Variants in ACSL6 observed in about 807,000 individuals in gnomAD.
ACSL6 encodes long-chain-fatty-acid--CoA ligase 6.
Under a neutral mutation model 98.2 loss-of-function variants are expected in ACSL6, and 47 were observed. The ratio of observed to expected loss-of-function variants is 0.48; its 90% CI spans 0.38 to 0.61. The LOEUF is 0.61. Ranked by LOEUF, ACSL6 falls within the 20% of genes least tolerant of loss-of-function variation. The pLI, the probability that ACSL6 is intolerant of heterozygous loss-of-function variation, is 0.00. For missense variants in ACSL6, 761 were observed against 913.4 expected (o/e 0.83, Z 2.15); for synonymous variants, 362 against 336.9 (o/e 1.07, Z -0.82).
intron 10 of ACSL6, 99 bp downstream of exon 10, chr5:131,976,549 A>G: frequency 8.6e-7 from 1 of 1,162,638 alleles, no homozygotes; most frequent in Non-Finnish European, 1.2e-6. Context: ...ATCAAGAAAA[A>G]AAAAAAAAGA....
intron 18 of ACSL6, among the ~76,000 whole-genome samples, 155 bp downstream of exon 18, chr5:131,962,380 C>G (rs1043284417): frequency 2.0e-5 from 3 of 152,140 alleles, no homozygotes; most frequent in African/African-American, 7.2e-5. Flanking sequence ...TACATTTTAA[C>G]AAACTATAAG....
intron 1 of ACSL6, among the ~76,000 whole-genome samples, chr5:132,002,607 T>C (rs977060097): frequency 2.0e-5 from 3 of 151,830 alleles, no homozygotes; most frequent in African/African-American, 7.3e-5. Flanking sequence ...AGGGGAGAAA[T>C]GCACAAAAGA....
chr5:131,967,490 C>T (rs377297366), intron 16 of ACSL6, among the ~76,000 whole-genome samples: 5 of 151,872 alleles, frequency 3.3e-5, no homozygotes, highest in African/African-American at 9.7e-5. Context: ...GGTGAAACCC[C>T]GTCTCTACTA....
Position 131,994,049 on chromosome 5 carries a change from C to T in ACSL6, c.252G>A (p.Met84Ile). The stretch of plus-strand genomic sequence containing the variant: ...TGCTCACCTCTACTTCTTCTGACTG[C>T]ATCAGGAGGTTGCATGGCGGCTGCA... Reference protein sequence around the residue: ...KALQPPCNLLMQSEEVEDSGG... With the variant: ...KALQPPCNLLIQSEEVEDSGG... The change falls in exon 2 of 21, where the codon ATG (methionine) becomes ATA (isoleucine). Residue 84 changes from methionine to isoleucine, a missense_variant. By Grantham distance (10) the Met-to-Ile change is conservative. Coordinates refer to ENST00000651883, the MANE Select transcript of ACSL6 (RefSeq NM_001009185.3). 1 of 1,613,946 alleles carries T rather than the reference C, an allele frequency of 6.2e-7. No homozygotes were observed. The highest frequency in any genetic ancestry group is 8.5e-7 in the Non-Finnish European group (1 of 1,180,050).
chr5:131,981,689 GACTATTACAA>G (rs1753901815), intron 9 of ACSL6, among the ~76,000 whole-genome samples: 1 of 152,140 alleles, frequency 6.6e-6, no homozygotes. Flanking sequence ...TCCAGATTTT[GACTATTACAA>G]ACAGTGTTGC....
At chr5:131,966,883 G>C (rs1753042592) in intron 16 of ACSL6, among the ~76,000 whole-genome samples, 1 of 152,192 alleles carries the variant, frequency 6.6e-6, no homozygotes, top group Non-Finnish European at 1.5e-5. Flanking sequence ...GGATGCTTCA[G>C]CCCCCTGCTC....
chr5:131,989,710 C>T lies in ACSL6; in HGVS notation c.451-202G>A, dbSNP rs532515914. Among the ~76,000 whole-genome samples, 12 of 150,512 alleles carry T rather than the reference C, an allele frequency of 8.0e-5. No individual in the cohort carries two copies. In the East Asian group the frequency reaches 1.8e-3, roughly 23 times the overall value. On this transcript the variant is annotated intron_variant, in intron 4 of 20. Coordinates refer to ENST00000651883, the MANE Select transcript of ACSL6 (RefSeq NM_001009185.3). ...TCCCAGGTTCAAGCAATTCTCCTGT[C>T]AGCCTCCCGAGTAGCTGGGATTACA...
chr5:131,985,283 G>T, intron 9 of ACSL6, 124 bp downstream of exon 9: 2 of 1,253,896 alleles, frequency 1.6e-6, no homozygotes, highest in Non-Finnish European at 2.3e-6. Flanking sequence ...AGTGTCTGGA[G>T]CCAGGAACAA....
At chr5:132,008,105 G>C (rs1022146224) in intron 1 of ACSL6, among the ~76,000 whole-genome samples, 2 of 152,204 alleles carry the variant, frequency 1.3e-5, no homozygotes, top group Non-Finnish European at 2.9e-5. Context: ...CTCCATGCTG[G>C]TGCACCTTGT....
chr5:131,975,037 T>C, intron 10 of ACSL6, 67 bp from the exon 11 acceptor site: 1 of 1,556,974 alleles, frequency 6.4e-7, no homozygotes, highest in Non-Finnish European at 8.7e-7. Flanking sequence ...AAGAGAATCA[T>C]AAAACAATAA....
chr5:131,983,988 C>T (rs1410705176), intron 9 of ACSL6: 1 of 152,258 alleles, frequency 6.6e-6, no homozygotes, highest in African/African-American at 2.4e-5. Flanking sequence ...AAGGTAAGGC[C>T]ATAGCAGTGA....
intron 9 of ACSL6, chr5:131,981,944 G>A: frequency 6.6e-6 from 1 of 152,356 alleles, no homozygotes; most frequent in Non-Finnish European, 1.5e-5. Context: ...TGCAACCTCT[G>A]CCTCCCAGGT....
chr5:132,000,239 C>A (rs1755012607), intron 1 of ACSL6, among the ~76,000 whole-genome samples: 1 of 152,138 alleles, frequency 6.6e-6, no homozygotes, highest in African/African-American at 2.4e-5. Context: ...AGTGAGGACA[C>A]TCTGGACCAA....
At chr5:131,983,848 T>C (rs1472147353) in intron 9 of ACSL6, 1 of 152,276 alleles carries the variant, frequency 6.6e-6, no homozygotes, top group Non-Finnish European at 1.5e-5. Flanking sequence ...GCACTGGACA[T>C]GATGTCTGCC....
chr5:132,011,805 C>A (rs1580714601), upstream of ACSL6: 1 of 1,429,426 alleles, frequency 7.0e-7, no homozygotes, highest in Non-Finnish European at 9.2e-7. The surrounding 1 kb of genome is among the most constrained non-coding windows in gnomAD (Gnocchi z 5.4). Context: ...GGGTCTGGGG[C>A]TTGCCCCGCA....
intron 9 of ACSL6, among the ~76,000 whole-genome samples, chr5:131,980,338 A>G (rs373664109): frequency 2.0e-5 from 3 of 152,332 alleles, no homozygotes; most frequent in South Asian, 4.1e-4. Context: ...GCTAGTAAGA[A>G]TAGAAATAAT....
At position 131,953,177 on chromosome 5, in the gene ACSL6, GAA is replaced by G; in HGVS notation, c.*1055_*1056del. ...GAATTCATTATAATAAGAAGTCCAT[GAA>G]CATACACACACTATCCTTGAATAGT... On this transcript the variant is annotated 3_prime_UTR_variant, in exon 21 of 21. Coordinates refer to ENST00000651883, the MANE Select transcript of ACSL6 (RefSeq NM_001009185.3). 5.1e-6 allele frequency: 1 copy of G among 196,878 alleles called. No individual in the cohort carries two copies. The highest frequency in any genetic ancestry group is 6.1e-5 in the Admixed American group (1 of 16,484). The allele number at this position is 196,878 out of a possible 1,614,324, so 12.2% of individuals were successfully genotyped here.
chr5:132,005,904 A>C (rs1237458355), intron 1 of ACSL6, among the ~76,000 whole-genome samples: 1 of 152,176 alleles, frequency 6.6e-6, no homozygotes, highest in Non-Finnish European at 1.5e-5. Flanking sequence ...CTACTCACTC[A>C]TTTCTCCAAT....
At chr5:131,959,879 A>G (rs1425174852) in intron 19 of ACSL6, 2 of 477,392 alleles carry the variant, frequency 4.2e-6, no homozygotes, top group African/African-American at 3.9e-5. Context: ...CAGCCTGGTG[A>G]GTCTTGCTAC....
Sources: gnomAD v4.1 joint callset for allele counts (sites outside exome capture counted in the v4.1 genomes callset) on GRCh38, gnomAD v4.1.1 for gene constraint, Gnocchi (gnomAD v3.1) non-coding constraint, MANE v1.5 for transcripts, NCBI Gene and HGNC (gene_info 2026-07-23, HGNC 2026-07-21) for gene names.